The following TMEM108 variants were observed in gnomAD, a reference collection of about 807,000 sequenced individuals.
TMEM108 encodes the protein cancer/testis antigen 124.
Under a neutral mutation model 35.1 loss-of-function variants are expected in TMEM108, and 12 were observed. That is an observed-to-expected ratio of 0.34 (90% confidence interval 0.22 to 0.55). TMEM108 has a LOEUF of 0.55. TMEM108 is among the 20% of genes least tolerant of loss of function. TMEM108 has a pLI of 0.89. For synonymous variants in TMEM108, 287 were observed against 308.6 expected (o/e 0.93, Z 0.73); for missense variants, 680 against 753.3 (o/e 0.90, Z 1.14).
At chr3:133,314,365 G>C (rs1028181927) in intron 3 of TMEM108, among the ~76,000 whole-genome samples, 3 of 152,182 alleles carry the variant, frequency 2.0e-5, no homozygotes, top group African/African-American at 7.2e-5. Flanking sequence ...CTAATTGAAG[G>C]CACAACCAAA....
chr3:133,104,963 C>T (rs1177526388), intron 2 of TMEM108, among the ~76,000 whole-genome samples: 1 of 152,184 alleles, frequency 6.6e-6, no homozygotes, highest in Non-Finnish European at 1.5e-5. Flanking sequence ...TCCACCTGGG[C>T]TTGACTTAGT....
intron 2 of TMEM108, among the ~76,000 whole-genome samples, chr3:133,046,250 G>A (rs1457973586): frequency 6.6e-6 from 1 of 152,192 alleles, no homozygotes; most frequent in East Asian, 1.9e-4. Context: ...TTCAAAACAG[G>A]AGTTTTTAGT....
At chr3:133,377,725 C>T (rs554821715) in intron 3 of TMEM108, among the ~76,000 whole-genome samples, 3 of 152,360 alleles carry the variant, frequency 2.0e-5, no homozygotes, top group African/African-American at 7.2e-5. Context: ...CACTGGGTCA[C>T]AGACCAGTAC....
rs561455755 is a variant in TMEM108, at chr3:133,231,281, G to T, written c.40+1930G>T. 3.9e-5 allele frequency among the ~76,000 whole-genome samples: 6 copies of T among 152,090 alleles called. No individual in the cohort carries two copies. The South Asian group carries it at 1.3e-3, about 32-fold the overall frequency. On this transcript the variant is annotated intron_variant, in intron 3 of 5. Coordinates refer to ENST00000321871, the MANE Select transcript of TMEM108 (RefSeq NM_023943.4). ...TAAAAAATCATGATTGAGTATTCTG[G>T]TTTTTCATTATTACATAACAAACTA...
chr3:133,179,132 C>A (rs1236649566), intron 2 of TMEM108, among the ~76,000 whole-genome samples: 2 of 150,898 alleles, frequency 1.3e-5, no homozygotes, highest in African/African-American at 4.9e-5. Context: ...GTTAGAATGG[C>A]GATCATTAAA....
chr3:133,302,413 T>C (rs978345829), intron 3 of TMEM108, among the ~76,000 whole-genome samples: 6 of 115,482 alleles, frequency 5.2e-5, no homozygotes, highest in African/African-American at 1.7e-4. Context: ...TTTTCTTTCT[T>C]TCTTTTTTTT....
rs112107220 is a variant in TMEM108, at chr3:133,046,751, C to A, written c.-47+731C>A. On this transcript the variant is annotated intron_variant, in intron 2 of 5. Transcript: ENST00000321871. Reference sequence around the variant, plus strand: ...GGACATCACATCCTTTCTGAGCTCTCCAATTTCTAGAGCTTAAACTAAAAC... The same window carrying A: ...GGACATCACATCCTTTCTGAGCTCTACAATTTCTAGAGCTTAAACTAAAAC... Among the ~76,000 whole-genome samples, 1,173 of 152,156 alleles carry A rather than the reference C, an allele frequency of 7.7e-3. 16 individuals are homozygous for A. Among genetic ancestry groups the A allele is most frequent in the Non-Finnish European group, 0.011 (770 of 68,004 alleles).
At chr3:133,327,274 T>C (rs1159759875) in intron 3 of TMEM108, among the ~76,000 whole-genome samples, 1 of 152,240 alleles carries the variant, frequency 6.6e-6, no homozygotes, top group Non-Finnish European at 1.5e-5. Context: ...GGGCTTTCTT[T>C]GAAGAAAGCC....
intron 3 of TMEM108, among the ~76,000 whole-genome samples, chr3:133,340,765 C>G (rs1033678746): frequency 6.6e-6 from 1 of 151,530 alleles, no homozygotes; most frequent in Non-Finnish European, 1.5e-5. Flanking sequence ...AAGGATAATG[C>G]ACAAATCAAT....
chr3:133,281,770 G>A lies in TMEM108; in HGVS notation c.40+52419G>A, dbSNP rs115873550. On this transcript the variant is annotated intron_variant, in intron 3 of 5. Transcript: ENST00000321871. ...GGGCTTTGGTTACCTTCTCTACTGC[G>A]TAAGAGGGTGGGTTTGATCATCCCT... 7.8e-3 allele frequency among the ~76,000 whole-genome samples: 1,181 copies of A among 152,286 alleles called. 19 individuals are homozygous for A. The highest frequency in any genetic ancestry group is 0.027 in the African/African-American group (1,116 of 41,566).
At chr3:133,168,952 A>G (rs946243713) in intron 2 of TMEM108, among the ~76,000 whole-genome samples, 3 of 152,116 alleles carry the variant, frequency 2.0e-5, no homozygotes, top group African/African-American at 7.2e-5. Flanking sequence ...CTTCAATCCT[A>G]TAGTCAGCGA....
intron 3 of TMEM108, among the ~76,000 whole-genome samples, chr3:133,310,607 C>T (rs2071114494): frequency 8.4e-6 from 1 of 119,508 alleles, no homozygotes; most frequent in Non-Finnish European, 1.6e-5. Context: ...TATTTTGAGC[C>T]TATGTGTGTC....
chr3:133,301,656 TA>T (rs1280433358), intron 3 of TMEM108, among the ~76,000 whole-genome samples: 3 of 152,156 alleles, frequency 2.0e-5, no homozygotes, highest in African/African-American at 4.8e-5. Flanking sequence ...TGGATGGGAT[TA>T]GGGGAAAAAA....
rs144153573 is a variant in TMEM108 at position 133,041,371 on chromosome 3, C to G, written c.-166+2936C>G. On this transcript the variant is annotated intron_variant, in intron 1 of 5. Coordinates refer to ENST00000321871, the MANE Select transcript of TMEM108 (RefSeq NM_023943.4). ...TTCCTTCACTTGGCTCATGTCACCC[C>G]CCAGGGCTCCCAGAAAACAAGTTGT... Among the ~76,000 whole-genome samples, 233 of 152,198 alleles carry G rather than the reference C, an allele frequency of 1.5e-3. 2 individuals are homozygous for G. The East Asian group carries it at 0.032, about 21-fold the overall frequency.
intron 2 of TMEM108, among the ~76,000 whole-genome samples, chr3:133,192,363 C>A (rs1945511546): frequency 6.6e-6 from 1 of 152,114 alleles, no homozygotes; most frequent in Non-Finnish European, 1.5e-5. Flanking sequence ...ATGTGGGAAG[C>A]TCAGGGAGGT....
intron 3 of TMEM108, chr3:133,246,284 T>G (rs746005647): frequency 3.9e-5 from 6 of 152,212 alleles, no homozygotes; most frequent in Non-Finnish European, 8.8e-5. Flanking sequence ...TAGCCCTTCC[T>G]GTCCCATATC....
intron 2 of TMEM108, among the ~76,000 whole-genome samples, chr3:133,117,942 G>A (rs982215963): frequency 3.3e-5 from 5 of 152,250 alleles, no homozygotes; most frequent in South Asian, 2.1e-4. Context: ...CCAGAGAGGC[G>A]GGAAGCTGTT....
At chr3:133,245,550 T>G (rs952427865) in intron 3 of TMEM108, among the ~76,000 whole-genome samples, 2 of 152,244 alleles carry the variant, frequency 1.3e-5, no homozygotes, top group African/African-American at 4.8e-5. Context: ...CACTTGAAAT[T>G]ATACAATTTT....
chr3:133,355,426 C>T (rs1313660176), intron 3 of TMEM108, among the ~76,000 whole-genome samples: 2 of 152,152 alleles, frequency 1.3e-5, no homozygotes. Context: ...TTGTTCACCT[C>T]ATCATCTCTC....
Sources: allele counts gnomAD v4.1 joint callset (sites outside exome capture counted in the v4.1 genomes callset), GRCh38; gene constraint gnomAD v4.1.1; transcripts MANE v1.5; gene names NCBI Gene and HGNC (gene_info 2026-07-23, HGNC 2026-07-21).